The following CPAMD8 variants were observed in gnomAD, a reference collection of about 807,000 sequenced individuals.
The protein encoded by CPAMD8 is C3 and PZP like alpha-2-macroglobulin domain containing 8.
Under a neutral mutation model 224.7 loss-of-function variants are expected in CPAMD8, and 146 were observed. That is an observed-to-expected ratio of 0.65 (90% CI 0.57 to 0.75). CPAMD8 has a LOEUF of 0.75. Among genes scored for constraint, CPAMD8 ranks in the 30% least tolerant of loss-of-function variants. The pLI is 0.00. For synonymous variants in CPAMD8, 966 were observed against 1,044.6 expected, an observed-to-expected ratio of 0.92 and a Z score of 1.45; for missense variants, 2,301 against 2,537.5, an observed-to-expected ratio of 0.91 and a Z score of 2.00.
intron 23 of CPAMD8, among the ~76,000 whole-genome samples, chr19:16,935,434 C>T (rs1276128928): frequency 6.6e-6 from 1 of 152,132 alleles, no homozygotes; most frequent in South Asian, 2.1e-4. Context: ...CTCTCCCTAA[C>T]CCCTGGCAAC....
intron 15 of CPAMD8, 107 bp from the exon 16 acceptor site, chr19:16,976,258 C>T (rs1308788250): frequency 3.5e-6 from 3 of 846,734 alleles, no homozygotes; most frequent in Non-Finnish European, 5.4e-6. Context: ...GGTGGATCAC[C>T]TGAGGTCAAG....
rs1232442566 is a variant in CPAMD8 at position 16,903,567 on chromosome 19, C to T, written c.4464G>A (p.Leu1488=). ...GTGCTCCCCAAAACCTCACCTGCAT[C>T]AGGCAGCAGCCGTCCCCCTTGGCAC... The part of the protein sequence containing the change: ...FVSAKGDGCC[L]MQIDVTYNVP... Residue 1488 remains leucine, a synonymous_variant, in exon 34 of 42, where the codon CTG becomes CTA. Transcript: ENST00000443236. The T allele has an allele frequency of 1.2e-6, 2 of 1,614,144 alleles. No individual in the cohort carries two copies. The highest frequency in any genetic ancestry group is 1.7e-6 in the Non-Finnish European group (2 of 1,180,020).
At chr19:16,925,161 C>T in intron 26 of CPAMD8, 35 bp downstream of exon 26, 1 of 1,609,672 alleles carries the variant, frequency 6.2e-7, no homozygotes, top group Non-Finnish European at 8.5e-7. Context: ...GCCTCCCTTG[C>T]TCCCACCTCA....
chr19:17,017,988 G>A (rs1283344135), intron 3 of CPAMD8, among the ~76,000 whole-genome samples: 1 of 150,290 alleles, frequency 6.7e-6, no homozygotes, highest in Non-Finnish European at 1.5e-5. Context: ...AGCCAAGATT[G>A]CATCACTGCA....
chr19:17,011,539 G>C (rs573802152), intron 4 of CPAMD8, 23 bp from the exon 5 acceptor site: 2 of 1,614,178 alleles, frequency 1.2e-6, no homozygotes, highest in South Asian at 2.2e-5. Flanking sequence ...AGAGAGGCGT[G>C]TGACACCTCC....
At chr19:16,925,820 C>A (rs1216889785) in intron 25 of CPAMD8, among the ~76,000 whole-genome samples, 1 of 151,866 alleles carries the variant, frequency 6.6e-6, no homozygotes, top group East Asian at 1.9e-4. Context: ...GTGGCACAAT[C>A]TCGGTTCACT....
At chr19:17,019,844 C>T (rs2056906005) in intron 3 of CPAMD8, among the ~76,000 whole-genome samples, 1 of 151,876 alleles carries the variant, frequency 6.6e-6, no homozygotes, top group South Asian at 2.1e-4. Flanking sequence ...GCTGGGATTA[C>T]AGATGTGAGC....
chr19:17,003,309 T>G (rs1026982250), intron 8 of CPAMD8, among the ~76,000 whole-genome samples: 2 of 151,684 alleles, frequency 1.3e-5, no homozygotes, highest in Admixed American at 6.6e-5. Context: ...CAAGCAATCC[T>G]CCCGCCTCAG....
intron 18 of CPAMD8, among the ~76,000 whole-genome samples, chr19:16,964,056 T>C: frequency 6.6e-6 from 1 of 152,118 alleles, no homozygotes; most frequent in African/African-American, 2.4e-5. Context: ...AGAGGGAAAT[T>C]TATAGCACTA....
At chr19:16,925,127 T>C (rs540475218) in intron 26 of CPAMD8, 69 bp downstream of exon 26, 5 of 1,549,374 alleles carry the variant, frequency 3.2e-6, no homozygotes, top group South Asian at 1.1e-5. Flanking sequence ...TCCAGCGTGG[T>C]CTTCTCCACT....
In CPAMD8 at chr19:16,902,718, G is replaced by A; in HGVS notation, c.4616C>T (p.Ala1539Val). The A allele has an allele frequency of 1.9e-6, 3 of 1,604,700 alleles. No individual in the cohort carries two copies. The highest frequency in any genetic ancestry group is 1.7e-6 in the Non-Finnish European group (2 of 1,174,088). The stretch of plus-strand genomic sequence containing the variant: ...ATCGGCCGCTGGGTCATCATCGTCA[G>A]CTGGGGGCCAGTCTCCTCGGGAACC... ...AEGSRGDWPP[A>V]DDDDPAADQH... The change falls in exon 35 of 42, where the codon GCT becomes GTT. Residue 1539 changes from alanine (A) to valine (V), a missense_variant. Coordinates refer to ENST00000443236, the MANE Select transcript of CPAMD8 (RefSeq NM_015692.5).
intron 17 of CPAMD8, 47 bp from the exon 18 acceptor site, chr19:16,971,080 G>T: frequency 6.5e-7 from 1 of 1,527,144 alleles, no homozygotes; most frequent in Non-Finnish European, 8.9e-7. Flanking sequence ...AGTGGATGCT[G>T]ACAGCCCCCA....
intron 19 of CPAMD8, among the ~76,000 whole-genome samples, chr19:16,957,381 T>G (rs1329971332): frequency 6.6e-6 from 1 of 152,146 alleles, no homozygotes; most frequent in Non-Finnish European, 1.5e-5. Flanking sequence ...AGAAAAAAAG[T>G]CAATTGCATC....
At chr19:16,920,685 G>A (rs1053935175) in intron 27 of CPAMD8, among the ~76,000 whole-genome samples, 8 of 151,626 alleles carry the variant, frequency 5.3e-5, no homozygotes, top group Non-Finnish European at 1.2e-4. Context: ...GTGAAACCCC[G>A]TCCCTACTAA....
In CPAMD8 at chr19:17,005,066, T is replaced by C. The variant is rs1047880017; in HGVS notation, c.560-680A>G. Among the ~76,000 whole-genome samples the C allele has an allele frequency of 5.1e-4, 77 of 151,716 alleles. 1 individual carries two copies. Among genetic ancestry groups the C allele is most frequent in the South Asian group, 2.1e-3 (10 of 4,810 alleles). ...CTGACATTTAGGGCCAGATCATTCA[T>C]TGTGGTGTGGGGGCATCCTGTAAAC... On this transcript the variant is annotated intron_variant, in intron 7 of 41. Coordinates refer to ENST00000443236, the MANE Select transcript of CPAMD8 (RefSeq NM_015692.5).
chr19:16,956,457 C>A (rs1396184517), intron 19 of CPAMD8, among the ~76,000 whole-genome samples: 2 of 152,012 alleles, frequency 1.3e-5, no homozygotes, highest in Admixed American at 1.3e-4. Context: ...TCTTTAGGCA[C>A]CTGTCTACTC....
In CPAMD8 at chr19:17,011,719, C is replaced by T. The variant is rs1275696905; in HGVS notation, c.306G>A (p.Val102=). 6.2e-7 allele frequency: 1 copy of T among 1,614,068 alleles called. No homozygotes were observed. Residue 102 remains valine (V), a synonymous_variant, in exon 4 of 42, where the codon GTG becomes GTA. Transcript: ENST00000443236. The stretch of plus-strand genomic sequence containing the variant: ...CCTCCGCCTGCCAGCCGCGGCCCCA[C>T]ACTTTCAGAAGCGCTTGGCCCCGGA... ...TGLRGQALLK[V]WGRGWQAEEG...
rs192468055 is a variant in CPAMD8 at position 16,903,726 on chromosome 19, G to A, written c.4383C>T (p.Asn1461=). Residue 1461 remains asparagine, a synonymous_variant, in exon 33 of 42, where the codon AAC becomes AAT. Transcript: ENST00000443236. ...YQETFELHRT[N]QKVLQTAAIP... ...CCGCTGCTGTCTGCAGAACCTTCTG[G>A]TTGGTCCTGTGCAGCTCGAAGGTTT... 8.1e-4 allele frequency: 1,309 copies of A among 1,614,182 alleles called. 1 individual carries two copies. The highest frequency in any genetic ancestry group is 1.3e-3 in the Admixed American group (77 of 60,018).
intron 14 of CPAMD8, among the ~76,000 whole-genome samples, 175 bp from the exon 15 acceptor site, chr19:16,977,715 A>T (rs1219065169): frequency 1.3e-5 from 2 of 151,726 alleles, no homozygotes; most frequent in Non-Finnish European, 2.9e-5. Flanking sequence ...GTCAATGCTG[A>T]CTCTTTCTAT....
Sources: allele counts gnomAD v4.1 joint callset (sites outside exome capture counted in the v4.1 genomes callset), GRCh38; gene constraint gnomAD v4.1.1; transcripts MANE v1.5; gene names NCBI Gene and HGNC (gene_info 2026-07-23, HGNC 2026-07-21).